Variants in IST1 observed in about 807,000 individuals in gnomAD.
IST1 encodes IST1 homolog.
IST1 carries 23 observed loss-of-function variants against 37.0 expected under a neutral mutation model. The observed-to-expected ratio is 0.62, with a 90% confidence interval of 0.45 to 0.88. The LOEUF (loss-of-function observed/expected upper bound fraction) is 0.88. Ranked by LOEUF, IST1 falls within the 40% of genes least tolerant of loss-of-function variation. The probability of loss-of-function intolerance (pLI) is 0.00; values close to 1 mark genes in which losing one functional copy is unlikely to be tolerated. For synonymous variants in IST1, 180 were observed against 161.7 expected (o/e 1.11, Z -0.86); for missense variants, 488 against 445.4 (o/e 1.10, Z -0.86).
rs531200833 is a variant in IST1, at chr16:71,926,345, TC to T, written c.902-1268del. ...GATACAATTTACATTTTAAAAAAAC[TC>T]ATAGTTTTTTTTTTTTTTAGGCAGT... On this transcript the variant is annotated intron_variant, in intron 9 of 9. Transcript: ENST00000378799. Among the ~76,000 whole-genome samples the T allele has an allele frequency of 6.5e-4, 99 of 151,572 alleles. No homozygotes were observed. The South Asian group carries it at 6.9e-3, about 11-fold the overall frequency.
At chr16:71,916,373 C>G in intron 2 of IST1, 89 bp from the exon 3 acceptor site, 1 of 1,274,142 alleles carries the variant, frequency 7.8e-7, no homozygotes, top group Admixed American at 1.9e-5. Flanking sequence ...AGTAGAAACA[C>G]CCAGTTCTTC....
rs944255269 is a variant in IST1 at position 71,915,524 on chromosome 16, A to G, written c.-15-102A>G. On this transcript the variant is annotated intron_variant, in intron 1 of 9. Coordinates refer to ENST00000378799, the MANE Select transcript of IST1 (RefSeq NM_001270975.2). ...AGATCATGTCATTTTCCTGTATTAG[A>G]AAAACACTCTGTTTTTGTTTCACAT... 4.2e-6 allele frequency: 3 copies of G among 710,982 alleles called. No homozygotes were observed. The African/African-American group carries it at 5.5e-5, about 13-fold the overall frequency. 44.0% of individuals were successfully genotyped at this position (710,982 alleles called of 1,614,324 possible). A position where few individuals can be genotyped will look rare whatever the true frequency, so the allele number is the denominator to read the frequency against.
At chr16:71,923,764 C>CATGTAAAGGAAGAGTGACCAG (rs1299515970) in intron 8 of IST1, among the ~76,000 whole-genome samples, 5 of 152,132 alleles carry the variant, frequency 3.3e-5, no homozygotes, top group African/African-American at 1.2e-4. Flanking sequence ...GTTCTCAACA[C>CATGTAAAGGAAGAGTGACCAG]ATGTAAAGGA....
chr16:71,916,537 G>C lies in IST1; in HGVS notation c.164G>C (p.Arg55Pro). The C allele has an allele frequency of 6.2e-7, 1 of 1,613,860 alleles. No individual in the cohort carries two copies. Among genetic ancestry groups the C allele is most frequent in the Non-Finnish European group, 8.5e-7 (1 of 1,179,816 alleles). Reference protein sequence around the residue: ...AAGKDERARIRVEHIIREDYL... With the variant: ...AAGKDERARIPVEHIIREDYL... ...GGGAAAGATGAACGAGCTCGGATCC[G>C]TGTGGAGCACATTATCCGGGAAGAC... Residue 55 changes from arginine (R) to proline (P), a missense_variant, in exon 3 of 10, where the codon CGT becomes CCT. Physicochemically the swap from Arg to Pro is moderately radical, Grantham distance 103 (BLOSUM62 -2). Around this residue, in one of 2 missense-constraint regions of IST1, gnomAD observed 455 missense variants for 386.2 expected, o/e 1.18. Coordinates refer to ENST00000378799, the MANE Select transcript of IST1 (RefSeq NM_001270975.2).
intron 1 of IST1, 156 bp downstream of exon 1, chr16:71,895,745 G>T: frequency 1.0e-5 from 2 of 194,986 alleles, no homozygotes; most frequent in South Asian, 3.3e-4. Context: ...GTGGGGGTCA[G>T]ACCGGAGGTC....
intron 9 of IST1, among the ~76,000 whole-genome samples, chr16:71,925,215 G>A (rs1450492778): frequency 7.9e-5 from 12 of 151,456 alleles, no homozygotes; most frequent in East Asian, 7.8e-4. Context: ...GGGTTTCACC[G>A]TGTTAGCCAG....
intron 1 of IST1, among the ~76,000 whole-genome samples, chr16:71,897,444 C>T (rs916789227): frequency 3.9e-5 from 6 of 152,106 alleles, no homozygotes; most frequent in Non-Finnish European, 8.8e-5. Flanking sequence ...TCCAGAATCT[C>T]CATCTCTAGT....
At chr16:71,901,164 C>T (rs952139345) in intron 1 of IST1, among the ~76,000 whole-genome samples, 2 of 152,056 alleles carry the variant, frequency 1.3e-5, no homozygotes, top group African/African-American at 2.4e-5. Flanking sequence ...TTATGTTTAG[C>T]TTTGGAAACA....
intron 1 of IST1, among the ~76,000 whole-genome samples, chr16:71,901,478 G>C (rs1280788645): frequency 6.6e-6 from 1 of 152,198 alleles, no homozygotes; most frequent in Non-Finnish European, 1.5e-5. Flanking sequence ...CTCCCAAAGT[G>C]CTGGGATTAC....
Position 71,929,982 on chromosome 16 carries a change from C to A in IST1, c.*2169C>A. 1 of 1,449,504 alleles carries A rather than the reference C, an allele frequency of 6.9e-7. No individual in the cohort carries two copies. The highest frequency in any genetic ancestry group is 9.3e-7 in the Non-Finnish European group (1 of 1,080,440). 89.8% of individuals were successfully genotyped at this position (1,449,504 alleles called of 1,614,324 possible). On this transcript the variant is annotated 3_prime_UTR_variant, in exon 10 of 10. Transcript: ENST00000378799. Reference sequence around the variant, plus strand: ...ATTATAAATTATGTCAGCCCGTCATCTTAGGGGCAGTTACAGTGGAGCTTT... The same window carrying A: ...ATTATAAATTATGTCAGCCCGTCATATTAGGGGCAGTTACAGTGGAGCTTT...
intron 4 of IST1, 127 bp downstream of exon 4, chr16:71,917,261 T>C (rs2037485476): frequency 1.7e-6 from 1 of 579,490 alleles, no homozygotes; most frequent in East Asian, 3.0e-5. Context: ...TTGAAATAGG[T>C]TTTGTAAATT....
intron 9 of IST1, among the ~76,000 whole-genome samples, chr16:71,925,316 ATTTT>A (rs772300347): frequency 1.3e-5 from 1 of 78,812 alleles, no homozygotes. Flanking sequence ...CCCCCAGCTG[ATTTT>A]TTTTTTTTTT....
chr16:71,922,589 G>T lies in IST1; in HGVS notation c.668G>T (p.Gly223Val). Residue 223 changes from glycine to valine, a missense_variant, in exon 7 of 10, where the codon GGA becomes GTA. Coordinates refer to ENST00000378799, the MANE Select transcript of IST1 (RefSeq NM_001270975.2). ...GGTGGCTTCACAGCACCAGTTGGTG[G>T]ACCTGATGGAACGGTGCCAATGCCC... is the stretch of plus-strand genomic sequence containing the variant. Reference protein sequence around the residue: ...GSGGFTAPVGGPDGTVPMPMP... With the variant: ...GSGGFTAPVGVPDGTVPMPMP... 2 of 1,612,688 alleles carry T rather than the reference G, an allele frequency of 1.2e-6. No individual in the cohort carries two copies. The highest frequency in any genetic ancestry group is 1.3e-5 in the African/African-American group (1 of 74,590).
intron 2 of IST1, 39 bp downstream of exon 2, chr16:71,915,767 G>T: frequency 8.1e-7 from 1 of 1,241,854 alleles, no homozygotes; most frequent in Non-Finnish European, 1.2e-6. Flanking sequence ...ATAAATCACT[G>T]GATACTAGCA....
chr16:71,922,918 C>T (rs747329776), intron 7 of IST1: 1 of 574,258 alleles, frequency 1.7e-6, no homozygotes, highest in East Asian at 3.0e-5. Context: ...TATAGGTTTA[C>T]TGAATATCTT....
In IST1 at chr16:71,929,398, A is replaced by G. The variant is rs1348173994; in HGVS notation, c.*1585A>G. ...TCCTATCTTGACAGTGCCAAGATCC[A>G]TAAGAACTTGGGACCAAGGGGATTT... On this transcript the variant is annotated 3_prime_UTR_variant, in exon 10 of 10. Transcript: ENST00000378799. 2.0e-5 allele frequency: 17 copies of G among 829,774 alleles called. No homozygotes were observed. Among genetic ancestry groups the G allele is most frequent in the Non-Finnish European group, 2.9e-5 (16 of 553,742 alleles). The allele number at this position is 829,774 out of a possible 1,614,324, so 51.4% of individuals were successfully genotyped here.
intron 1 of IST1, among the ~76,000 whole-genome samples, chr16:71,897,819 C>T (rs1037517201): frequency 6.6e-6 from 1 of 151,832 alleles, no homozygotes; most frequent in African/African-American, 2.4e-5. Flanking sequence ...GTTGGTGTGG[C>T]CTGTAGTCCC....
chr16:71,923,012 A>T (rs769185649), intron 7 of IST1: 1 of 476,004 alleles, frequency 2.1e-6, no homozygotes, highest in Non-Finnish European at 3.7e-6. Context: ...ACCTTTGTAG[A>T]TAAGATGGTC....
Position 71,928,467 on chromosome 16 carries a change from AG to A in IST1, c.*657del, listed in dbSNP as rs2037806685. On this transcript the variant is annotated 3_prime_UTR_variant, in exon 10 of 10. Coordinates refer to ENST00000378799, the MANE Select transcript of IST1 (RefSeq NM_001270975.2). ...CCTCGCTTAGTTGTACTGGATTCTC[AG>A]GGAGCCCTCTGTGGCCTTTTGCTTT... is the stretch of plus-strand genomic sequence containing the variant. The A allele has an allele frequency of 6.5e-6, 1 of 152,826 alleles. No homozygotes were observed. Among genetic ancestry groups the A allele is most frequent in the Non-Finnish European group, 1.5e-5 (1 of 68,232 alleles). The allele number at this position is 152,826 out of a possible 1,614,324, so 9.5% of individuals were successfully genotyped here. A position where few individuals can be genotyped will look rare whatever the true frequency, so the allele number is the denominator to read the frequency against.
Sources: allele counts gnomAD v4.1 joint callset (sites outside exome capture counted in the v4.1 genomes callset), GRCh38; gene constraint gnomAD v4.1.1; regional missense constraint gnomAD v4.1.1; transcripts MANE v1.5; gene names NCBI Gene and HGNC (gene_info 2026-07-23, HGNC 2026-07-21).